CLDN10: variants seen among roughly 807,000 people sequenced by gnomAD.
CLDN10 encodes claudin 10.
In CLDN10, 15 loss-of-function variants were observed where a neutral mutation model predicts 22.9. The observed-to-expected ratio is 0.65, with a 90% CI of 0.44 to 1.01. The LOEUF (loss-of-function observed/expected upper bound fraction) is 1.01. Ranked by LOEUF, CLDN10 falls within the 50% of genes least tolerant of loss-of-function variation. The probability of loss-of-function intolerance (pLI) is 0.00; values close to 1 mark genes in which losing one functional copy is unlikely to be tolerated. For synonymous variants in CLDN10, 114 were observed against 111.4 expected (o/e 1.02, Z -0.15); for missense variants, 247 against 287.8 (o/e 0.86, Z 1.03).
intron 1 of CLDN10, among the ~76,000 whole-genome samples, chr13:95,450,626 G>A (rs2042424104): frequency 6.6e-6 from 1 of 152,156 alleles, no homozygotes; most frequent in Non-Finnish European, 1.5e-5. Flanking sequence ...TTAGACATCC[G>A]CAGCACATAA....
chr13:95,443,030 A>G (rs1346224718), intron 1 of CLDN10, among the ~76,000 whole-genome samples: 1 of 152,246 alleles, frequency 6.6e-6, no homozygotes, highest in Non-Finnish European at 1.5e-5. Context: ...GTGCTTTCAC[A>G]TACATTGTCA....
chr13:95,531,506 G>A (rs1421894459), intron 1 of CLDN10, among the ~76,000 whole-genome samples: 3 of 151,828 alleles, frequency 2.0e-5, no homozygotes, highest in African/African-American at 7.3e-5. Context: ...ATTAAAAGAA[G>A]GAAACTTTTG....
intron 1 of CLDN10, among the ~76,000 whole-genome samples, chr13:95,499,433 T>C (rs943345582): frequency 2.6e-5 from 4 of 152,062 alleles, no homozygotes; most frequent in East Asian, 1.9e-4. Flanking sequence ...TCGCAGCTAC[T>C]TGGGAGGCTG....
At chr13:95,464,793 G>A (rs578126922) in intron 1 of CLDN10, among the ~76,000 whole-genome samples, 310 of 151,984 alleles carry the variant, frequency 2.0e-3, no homozygotes, top group Non-Finnish European at 3.7e-3. Flanking sequence ...GTGCAGTGGC[G>A]TGATCTTGGC....
chr13:95,527,194 C>T (rs2043290728), intron 1 of CLDN10, among the ~76,000 whole-genome samples: 1 of 152,110 alleles, frequency 6.6e-6, no homozygotes, highest in Non-Finnish European at 1.5e-5. Context: ...AATTTAGGAC[C>T]AAACCTCTCA....
rs1301579884 is a variant in CLDN10 at position 95,507,645 on chromosome 13, CAG to C, written c.215-52484_215-52483del. ...AAAAAAAATTTTTTTTTTTTTGAGACAGAGTTCTGCTCTTGTTGCCCAGCCTG... is the reference window on the plus strand; with the variant it reads ...AAAAAAAATTTTTTTTTTTTTGAGACAGTTCTGCTCTTGTTGCCCAGCCTG... On this transcript the variant is annotated intron_variant, in intron 1 of 4. Coordinates refer to the CLDN10 transcript ENST00000376873. Among the ~76,000 whole-genome samples, 3 of 150,526 alleles carry C rather than the reference CAG, an allele frequency of 2.0e-5. No homozygotes were observed. The East Asian group carries it at 5.9e-4, about 30-fold the overall frequency.
intron 1 of CLDN10, among the ~76,000 whole-genome samples, chr13:95,465,374 C>T (rs1056423385): frequency 1.5e-4 from 23 of 152,142 alleles, no homozygotes; most frequent in African/African-American, 5.1e-4. Context: ...GTGTACCATG[C>T]CCCGCTGATA....
chr13:95,474,895 A>G lies in CLDN10; in HGVS notation c.214+40848A>G, dbSNP rs372431203. ...GGCTGTTCTGTGCTGCAGGTGCCAG[A>G]GGGAGGCTTGAGCCCAGAAGAGGCG... On this transcript the variant is annotated intron_variant, in intron 1 of 4. Transcript: ENST00000376873. Among the ~76,000 whole-genome samples the G allele has an allele frequency of 1.7e-3, 265 of 152,162 alleles. 7 individuals are homozygous for G. In the South Asian group the frequency reaches 0.03, roughly 17 times the overall value.
At chr13:95,548,383 C>T (rs2043531402), upstream of CLDN10, among the ~76,000 whole-genome samples, 1 of 152,188 alleles carries the variant, frequency 6.6e-6, no homozygotes, top group Non-Finnish European at 1.5e-5. Flanking sequence ...GTATATGGCA[C>T]TGACTTGTAA....
intron 1 of CLDN10, chr13:95,533,665 TAC>T (rs2043370074): frequency 2.0e-5 from 3 of 152,150 alleles, no homozygotes; most frequent in Non-Finnish European, 1.5e-5. Flanking sequence ...CCCGGTGAGA[TAC>T]AGAGACATCC....
At chr13:95,444,346 T>G (rs2042352143) in intron 1 of CLDN10, among the ~76,000 whole-genome samples, 1 of 152,216 alleles carries the variant, frequency 6.6e-6, no homozygotes, top group Non-Finnish European at 1.5e-5. Context: ...GGTCTACAAT[T>G]AAGCTTTTGC....
chr13:95,554,613 T>C (rs907148338), intron 1 of CLDN10, among the ~76,000 whole-genome samples: 1 of 152,164 alleles, frequency 6.6e-6, no homozygotes, highest in Admixed American at 6.5e-5. Context: ...CAAAATGGCC[T>C]TCCTGTGTGC....
chr13:95,461,594 C>T (rs1176555185), intron 1 of CLDN10, among the ~76,000 whole-genome samples: 2 of 152,114 alleles, frequency 1.3e-5, no homozygotes, highest in African/African-American at 2.4e-5. Flanking sequence ...TTCCTGACCT[C>T]GTCATGATTT....
intron 1 of CLDN10, among the ~76,000 whole-genome samples, chr13:95,501,961 A>G (rs1253795063): frequency 6.6e-6 from 1 of 152,170 alleles, no homozygotes; most frequent in African/African-American, 2.4e-5. Context: ...ATTTTAAAAT[A>G]GTTGTTCTAG....
chr13:95,488,540 C>CA (rs2042831670), intron 1 of CLDN10, among the ~76,000 whole-genome samples: 1 of 152,092 alleles, frequency 6.6e-6, no homozygotes. Context: ...CCCAAGTCCC[C>CA]AAAGTCCACT....
chr13:95,548,655 A>C (rs1446871488), upstream of CLDN10, among the ~76,000 whole-genome samples: 1 of 152,220 alleles, frequency 6.6e-6, no homozygotes. Flanking sequence ...ATGGAAGGAA[A>C]AAGAACACAG....
At chr13:95,471,440 C>CACACACATATATAT (rs746573300) in intron 1 of CLDN10, among the ~76,000 whole-genome samples, 8 of 104,394 alleles carry the variant, frequency 7.7e-5, no homozygotes, top group African/African-American at 2.8e-4. Context: ...CACACACACA[C>CACACACATATATAT]ATATATATAT....
intron 1 of CLDN10, among the ~76,000 whole-genome samples, chr13:95,542,919 G>A (rs1466689566): frequency 6.6e-6 from 1 of 152,126 alleles, no homozygotes; most frequent in Non-Finnish European, 1.5e-5. Flanking sequence ...GCAAACACCA[G>A]TATATATGGA....
At chr13:95,469,101 T>G (rs1253930926) in intron 1 of CLDN10, among the ~76,000 whole-genome samples, 3 of 151,804 alleles carry the variant, frequency 2.0e-5, no homozygotes, top group Non-Finnish European at 4.4e-5. Flanking sequence ...CTTTACAGTT[T>G]TTTGGTTTTG....
Sources: gnomAD v4.1 joint callset for allele counts (sites outside exome capture counted in the v4.1 genomes callset) on GRCh38, gnomAD v4.1.1 for gene constraint, MANE v1.5 for transcripts, NCBI Gene and HGNC (gene_info 2026-07-23, HGNC 2026-07-21) for gene names.